LTBP1: variants seen among roughly 807,000 people sequenced by gnomAD.
LTBP1 encodes latent transforming growth factor beta binding protein 1, also known as latent-transforming growth factor beta-binding protein 1.
LTBP1 carries 129 observed loss-of-function variants against 207.6 expected under a neutral mutation model. The observed-to-expected ratio is 0.62, with a 90% CI of 0.54 to 0.72. The LOEUF is 0.72. Among genes scored for constraint, LTBP1 ranks in the 30% least tolerant of loss-of-function variants. LTBP1 has a pLI of 0.00. For missense variants in LTBP1, 2,281 were observed against 2,217.2 expected, an observed-to-expected ratio of 1.03 and a Z score of -0.58; for synonymous variants, 963 against 833.7, an observed-to-expected ratio of 1.16 and a Z score of -2.67.
chr2:33,267,363 G>A (rs1450455752), intron 15 of LTBP1, among the ~76,000 whole-genome samples: 1 of 152,172 alleles, frequency 6.6e-6, no homozygotes, highest in Non-Finnish European at 1.5e-5. Flanking sequence ...CAAAACTTGG[G>A]CAAAGATGCC....
At chr2:33,253,175 C>T (rs2092730890) in intron 11 of LTBP1, among the ~76,000 whole-genome samples, 1 of 152,170 alleles carries the variant, frequency 6.6e-6, no homozygotes, top group South Asian at 2.1e-4. Flanking sequence ...ATGCGCTTTC[C>T]TAATGATTGG....
At chr2:33,220,442 AT>A (rs918851981) in intron 8 of LTBP1, among the ~76,000 whole-genome samples, 18 of 151,990 alleles carry the variant, frequency 1.2e-4, no homozygotes, top group African/African-American at 4.3e-4. Context: ...ATTGTTGATC[AT>A]TTTTTTTGCT....
At chr2:32,951,132 G>A (rs918649308) in intron 2 of LTBP1, among the ~76,000 whole-genome samples, 9 of 152,324 alleles carry the variant, frequency 5.9e-5, no homozygotes, top group Middle Eastern at 3.4e-3. Flanking sequence ...TACAACCAAT[G>A]CTTCCAGCAT....
At chr2:33,104,363 A>G (rs2079931323) in intron 3 of LTBP1, among the ~76,000 whole-genome samples, 1 of 152,106 alleles carries the variant, frequency 6.6e-6, no homozygotes, top group African/African-American at 2.4e-5. Flanking sequence ...GTGTGTCACT[A>G]GTATCTCCCC....
At chr2:33,212,723 C>G (rs1425412810) in intron 7 of LTBP1, among the ~76,000 whole-genome samples, 1 of 152,152 alleles carries the variant, frequency 6.6e-6, no homozygotes, top group Non-Finnish European at 1.5e-5. Flanking sequence ...CCTGCCAATA[C>G]AAGTTAAGCA....
At chr2:32,959,992 G>A (rs987140733) in intron 2 of LTBP1, among the ~76,000 whole-genome samples, 1 of 151,996 alleles carries the variant, frequency 6.6e-6, no homozygotes, top group African/African-American at 2.4e-5. Context: ...ACACCATAGC[G>A]AGTAGACAGT....
chr2:33,362,448 G>A (rs1345507493), intron 28 of LTBP1, among the ~76,000 whole-genome samples: 1 of 152,074 alleles, frequency 6.6e-6, no homozygotes, highest in African/African-American at 2.4e-5. Context: ...TGTTTTTGCA[G>A]GGATGTAGTT....
chr2:33,072,868 A>G (rs1315297620), intron 3 of LTBP1, among the ~76,000 whole-genome samples: 1 of 152,190 alleles, frequency 6.6e-6, no homozygotes, highest in Non-Finnish European at 1.5e-5. Context: ...TTCACGTTTC[A>G]TTGGCCAAAT....
chr2:33,207,427 A>C (rs1240444326), intron 7 of LTBP1, among the ~76,000 whole-genome samples: 2 of 152,178 alleles, frequency 1.3e-5, no homozygotes, highest in African/African-American at 4.8e-5. Flanking sequence ...GAAATATCAG[A>C]GGATTATAGT....
At chr2:33,395,297 A>G (rs895310954) in intron 32 of LTBP1, among the ~76,000 whole-genome samples, 1 of 152,164 alleles carries the variant, frequency 6.6e-6, no homozygotes, top group Non-Finnish European at 1.5e-5. Context: ...CCCATGGTTC[A>G]TTTCCACAAA....
At chr2:33,093,868 A>G (rs1036031020) in intron 3 of LTBP1, among the ~76,000 whole-genome samples, 1 of 152,066 alleles carries the variant, frequency 6.6e-6, no homozygotes, top group African/African-American at 2.4e-5. Flanking sequence ...AAGAAATCTC[A>G]TGATAGCAAT....
chr2:33,388,085 C>G (rs1188175223), intron 31 of LTBP1, among the ~76,000 whole-genome samples: 2 of 152,206 alleles, frequency 1.3e-5, no homozygotes, highest in Admixed American at 1.3e-4. Context: ...GCTTTCCTCC[C>G]TAGACCTTCT....
chr2:33,037,160 C>T (rs942778473), intron 3 of LTBP1, among the ~76,000 whole-genome samples: 2 of 149,842 alleles, frequency 1.3e-5, no homozygotes, highest in East Asian at 4.0e-4. Context: ...CTAATTCTCC[C>T]CCTGTCCCTC....
intron 4 of LTBP1, among the ~76,000 whole-genome samples, chr2:33,111,993 T>C (rs1274572483): frequency 6.6e-6 from 1 of 152,234 alleles, no homozygotes; most frequent in African/African-American, 2.4e-5. Context: ...CTTGAGTATA[T>C]GTGTAATATT....
intron 5 of LTBP1, among the ~76,000 whole-genome samples, chr2:33,140,508 T>C (rs1176054436): frequency 6.6e-6 from 1 of 152,164 alleles, no homozygotes; most frequent in East Asian, 1.9e-4. Flanking sequence ...TAAAAGAAAG[T>C]GGTTGCTTTT....
intron 4 of LTBP1, among the ~76,000 whole-genome samples, chr2:33,129,388 C>T (rs1362784491): frequency 2.6e-5 from 4 of 152,170 alleles, no homozygotes; most frequent in Non-Finnish European, 5.9e-5. Context: ...AGCAACAGGG[C>T]ACACACCTCA....
intron 2 of LTBP1, among the ~76,000 whole-genome samples, chr2:32,953,562 G>A (rs1007751796): frequency 3.9e-5 from 6 of 152,180 alleles, no homozygotes; most frequent in African/African-American, 1.2e-4. Flanking sequence ...GTGTTCTCGA[G>A]ACTAGTTAAA....
At chr2:33,204,283 G>T (rs2089643410) in intron 7 of LTBP1, among the ~76,000 whole-genome samples, 1 of 150,362 alleles carries the variant, frequency 6.7e-6, no homozygotes, top group South Asian at 2.1e-4. Flanking sequence ...TTTCAACAAG[G>T]TCACTGTATG....
At chr2:33,254,644 C>T (rs1300757675) in intron 11 of LTBP1, among the ~76,000 whole-genome samples, 1 of 140,638 alleles carries the variant, frequency 7.1e-6, no homozygotes, top group African/African-American at 2.7e-5. Context: ...ATGTGCACAG[C>T]ATGCATGTTG....
Sources: gnomAD v4.1 joint callset for allele counts (sites outside exome capture counted in the v4.1 genomes callset) on GRCh38, gnomAD v4.1.1 for gene constraint, MANE v1.5 for transcripts, NCBI Gene and HGNC (gene_info 2026-07-23, HGNC 2026-07-21) for gene names.